Variants in CORO7 observed in about 807,000 individuals in gnomAD.
CORO7 encodes the protein coronin-7.
CORO7 carries 107 observed loss-of-function variants against 126.6 expected under a neutral mutation model. That is an observed-to-expected ratio of 0.85 (90% CI 0.72 to 0.99). The LOEUF is 0.99. CORO7 is among the 50% of genes least tolerant of loss of function. The probability of loss-of-function intolerance (pLI) is 0.00; values close to 1 mark genes in which losing one functional copy is unlikely to be tolerated. For missense variants in CORO7, 1,314 were observed against 1,255.8 expected, an observed-to-expected ratio of 1.05 and a Z score of -0.70; for synonymous variants, 603 against 536.8, an observed-to-expected ratio of 1.12 and a Z score of -1.70.
At chr16:4,414,013 C>T (rs971442460) in intron 1 of CORO7, among the ~76,000 whole-genome samples, 17 of 151,144 alleles carry the variant, frequency 1.1e-4, no homozygotes, top group Admixed American at 3.3e-4. Context: ...ATGGTGAAAC[C>T]TTATCTCTAC....
chr16:4,367,304 T>A (rs1290828283), intron 9 of CORO7, among the ~76,000 whole-genome samples: 1 of 151,828 alleles, frequency 6.6e-6, no homozygotes, highest in African/African-American at 2.4e-5. Flanking sequence ...TGACCTGGAG[T>A]GCCCTCCACA....
intron 1 of CORO7, among the ~76,000 whole-genome samples, chr16:4,416,205 G>T (rs929039040): frequency 6.6e-6 from 1 of 152,174 alleles, no homozygotes; most frequent in Admixed American, 6.5e-5. Context: ...GGGTCCCGGG[G>T]CGAGGTGGGC....
Position 4,362,600 on chromosome 16 carries a change from C to A in CORO7, c.1402+12G>T. 1 of 1,550,568 alleles carries A rather than the reference C, an allele frequency of 6.4e-7. No individual in the cohort carries two copies. Among genetic ancestry groups the A allele is most frequent in the Non-Finnish European group, 8.7e-7 (1 of 1,151,508 alleles). ...CTGCGGTAGGGGTGAGCTCCCCGTCCTGCCTCCTTACCCAGCAGGCTCTGC... is the reference window on the plus strand; with the variant it reads ...CTGCGGTAGGGGTGAGCTCCCCGTCATGCCTCCTTACCCAGCAGGCTCTGC... On this transcript the variant is annotated intron_variant, in intron 15 of 27. Transcript: ENST00000251166. The surrounding 1 kb of genome is among the most constrained non-coding windows in gnomAD (Gnocchi z 5.3).
chr16:4,364,701 C>G lies in CORO7; in HGVS notation c.1045-12G>C. ...TGGAACTCCACAGCCTGGCCGCAGACAAGCAGGCAGCTAGTGAGGCCCAGG... is the reference window on the plus strand; with the variant it reads ...TGGAACTCCACAGCCTGGCCGCAGAGAAGCAGGCAGCTAGTGAGGCCCAGG... On this transcript the variant is annotated splice_polypyrimidine_tract_variant and intron_variant, in intron 12 of 27. Transcript: ENST00000251166. 6.3e-7 allele frequency: 1 copy of G among 1,585,708 alleles called. No individual in the cohort carries two copies. The highest frequency in any genetic ancestry group is 1.3e-5 in the African/African-American group (1 of 74,648).
rs570487353 is a variant in CORO7 at position 4,388,127 on chromosome 16, G to C, written c.703-59C>G. The C allele has an allele frequency of 5.8e-6, 9 of 1,563,046 alleles. No individual in the cohort carries two copies. In the South Asian group the frequency reaches 1.0e-4, roughly 18 times the overall value. On this transcript the variant is annotated intron_variant, in intron 8 of 27. Coordinates refer to ENST00000251166, the MANE Select transcript of CORO7 (RefSeq NM_024535.5). ...CCTGTCCCTCAGCCCCACCCGGGGG[G>C]CTCCCAGGGAAACCAGCGCCTGAGG...
intron 9 of CORO7, among the ~76,000 whole-genome samples, chr16:4,377,833 G>T (rs921395892): frequency 6.6e-6 from 1 of 152,186 alleles, no homozygotes; most frequent in African/African-American, 2.4e-5. Flanking sequence ...CACATTTTAC[G>T]GGGCTGGGAA....
intron 14 of CORO7, 25 bp downstream of exon 14, chr16:4,364,251 G>A: frequency 3.3e-6 from 5 of 1,517,602 alleles, no homozygotes; most frequent in Non-Finnish European, 4.4e-6. Flanking sequence ...CGCTGAGGGA[G>A]GATGGGGGCG....
intron 5 of CORO7, among the ~76,000 whole-genome samples, chr16:4,407,240 G>A (rs888930808): frequency 1.5e-4 from 23 of 150,690 alleles, no homozygotes; most frequent in Admixed American, 7.3e-4. Context: ...GAGCCACCGC[G>A]CCCGGCCATT....
chr16:4,358,336 G>A (rs759173600), intron 24 of CORO7, 31 bp downstream of exon 24: 2 of 1,608,318 alleles, frequency 1.2e-6, no homozygotes, highest in South Asian at 1.1e-5. Context: ...AGAAGGCGGT[G>A]GGCATGGGAG....
chr16:4,381,204 C>T (rs1192094073), intron 9 of CORO7: 3 of 1,611,874 alleles, frequency 1.9e-6, no homozygotes, highest in African/African-American at 2.7e-5. Flanking sequence ...ACCTGACAGC[C>T]AACAGGCTGC....
In CORO7 at chr16:4,402,181, C is replaced by T. The variant is rs552387025; in HGVS notation, c.564+3310G>A. Among the ~76,000 whole-genome samples the T allele has an allele frequency of 3.9e-5, 6 of 152,066 alleles. No homozygotes were observed. The East Asian group carries it at 9.7e-4, about 25-fold the overall frequency. ...CTTGAGCTCCTTACCTCAGGTGATC[C>T]GCCTGCTTGGCCTCCCAAAGTGCTG... On this transcript the variant is annotated intron_variant, in intron 6 of 27. Transcript: ENST00000251166.
chr16:4,384,321 G>T (rs1307901437), intron 9 of CORO7, among the ~76,000 whole-genome samples: 1 of 152,270 alleles, frequency 6.6e-6, no homozygotes, highest in Non-Finnish European at 1.5e-5. Flanking sequence ...GCTGCATGCT[G>T]AGGTGGGGGC....
At position 4,364,971 on chromosome 16, in the gene CORO7, G is replaced by T. The variant is rs756242574; in HGVS notation, c.898+32C>A. 2.5e-6 allele frequency: 4 copies of T among 1,598,652 alleles called. No individual in the cohort carries two copies. The South Asian group carries it at 4.5e-5, about 18-fold the overall frequency. ...GGCAGGATGGGCAGGGGAGGGGAGG[G>T]TAGGGGATGGGGGCGAGGAAGCAAG... On this transcript the variant is annotated intron_variant, in intron 11 of 27. Coordinates refer to ENST00000251166, the MANE Select transcript of CORO7 (RefSeq NM_024535.5).
chr16:4,382,230 CA>C, intron 9 of CORO7: 1 of 1,606,344 alleles, frequency 6.2e-7, no homozygotes, highest in Non-Finnish European at 8.5e-7. Context: ...GGACACGGCC[CA>C]GCCCTACACC....
chr16:4,358,542 T>C lies in CORO7; in HGVS notation c.2341-59A>G, dbSNP rs2054057239. ...GACCTAGAGCTCATGGCTGGGCACG[T>C]AGTCTCCCCAGGGTGCCGGCACCCC... On this transcript the variant is annotated intron_variant, in intron 23 of 27. Transcript: ENST00000251166. 6.7e-6 allele frequency: 10 copies of C among 1,499,842 alleles called. No homozygotes were observed. In the South Asian group the frequency reaches 1.0e-4, roughly 15 times the overall value. The allele number at this position is 1,499,842 out of a possible 1,614,324, so 92.9% of individuals were successfully genotyped here.
rs142075272 is a variant in CORO7, at chr16:4,379,771, G to A, written c.785+8215C>T. Among the ~76,000 whole-genome samples the A allele has an allele frequency of 3.1e-3, 472 of 151,896 alleles. 2 individuals carry two copies. Among genetic ancestry groups the A allele is most frequent in the African/African-American group, 0.011 (441 of 41,424 alleles). On this transcript the variant is annotated intron_variant, in intron 9 of 27. Transcript: ENST00000251166. Reference sequence around the variant, plus strand: ...AGAAACAGTAGACGAAGCCGGGCACGGTGGCTCATGCCTGTAATCCCAGCA... The same window carrying A: ...AGAAACAGTAGACGAAGCCGGGCACAGTGGCTCATGCCTGTAATCCCAGCA...
chr16:4,383,154 A>C (rs1220906350), intron 9 of CORO7: 3 of 468,364 alleles, frequency 6.4e-6, no homozygotes, highest in Non-Finnish European at 1.2e-5. Flanking sequence ...GCCCTCCGCA[A>C]CGTGCAGTCC....
chr16:4,378,579 C>T (rs933855912), intron 9 of CORO7, among the ~76,000 whole-genome samples: 34 of 152,112 alleles, frequency 2.2e-4, no homozygotes, highest in Non-Finnish European at 8.8e-5. Context: ...GAAGAGAAGG[C>T]TAGGGGTGTG....
At chr16:4,380,760 C>T in intron 9 of CORO7, 1 of 1,252,920 alleles carries the variant, frequency 8.0e-7, no homozygotes, top group Non-Finnish European at 1.1e-6. Context: ...ATTGGGTTCT[C>T]TTGCATTTGG....
Sources: gnomAD v4.1 joint callset for allele counts (sites outside exome capture counted in the v4.1 genomes callset) on GRCh38, gnomAD v4.1.1 for gene constraint, Gnocchi (gnomAD v3.1) non-coding constraint, MANE v1.5 for transcripts, NCBI Gene and HGNC (gene_info 2026-07-23, HGNC 2026-07-21) for gene names.